Variants in TSHZ2 observed in about 807,000 individuals in gnomAD.
TSHZ2 encodes teashirt zinc finger homeobox 2, also known as teashirt homolog 2.
TSHZ2 carries 21 observed loss-of-function variants against 74.4 expected under a neutral mutation model. That is an observed-to-expected ratio of 0.28 (90% CI 0.20 to 0.41). The LOEUF (loss-of-function observed/expected upper bound fraction) is 0.41. TSHZ2 is among the 10% of genes least tolerant of loss of function. TSHZ2 has a pLI of 1.00. For synonymous variants in TSHZ2, 540 were observed against 515.3 expected (o/e 1.05, Z -0.65); for missense variants, 1,244 against 1,293.5 (o/e 0.96, Z 0.59).
chr20:53,030,345 C>T (rs1450756980), intron 1 of TSHZ2, among the ~76,000 whole-genome samples: 1 of 97,450 alleles, frequency 1.0e-5, no homozygotes, highest in Non-Finnish European at 1.9e-5. Flanking sequence ...AAATAGAGCA[C>T]TGACTTAAAA....
At chr20:53,001,230 G>GTGTATGTGTGTGTGTGTGTGTGTGTA (rs1555813622) in intron 1 of TSHZ2, among the ~76,000 whole-genome samples, 8 of 126,114 alleles carry the variant, frequency 6.3e-5, no homozygotes, top group Non-Finnish European at 1.2e-4. Flanking sequence ...GTGTGTGTGT[G>GTGTATGTGTGTGTGTGTGTGTGTGTA]TGTGTGTGTG....
intron 1 of TSHZ2, among the ~76,000 whole-genome samples, chr20:52,990,769 G>A (rs1981953517): frequency 6.6e-6 from 1 of 152,156 alleles, no homozygotes; most frequent in South Asian, 2.1e-4. Context: ...GGTCCAGGGG[G>A]TAGAAATAAA....
intron 2 of TSHZ2, among the ~76,000 whole-genome samples, chr20:53,460,925 G>A (rs559899138): frequency 1.3e-5 from 2 of 152,374 alleles, no homozygotes; most frequent in Non-Finnish European, 1.5e-5. Flanking sequence ...CGTACTGGGA[G>A]AACCACTGCT....
chr20:53,249,471 G>A (rs781696533), intron 1 of TSHZ2, among the ~76,000 whole-genome samples: 7 of 152,174 alleles, frequency 4.6e-5, no homozygotes, highest in Non-Finnish European at 1.0e-4. Context: ...TTCAGAGTCT[G>A]GTAAGTGCTC....
rs1907348440 is a variant in TSHZ2 at position 53,130,264 on chromosome 20, G to GAAAA, written c.41-123232_41-123231insAAAA. 2.6e-5 allele frequency among the ~76,000 whole-genome samples: 4 copies of GAAAA among 151,824 alleles called. No homozygotes were observed. In the South Asian group the frequency reaches 8.3e-4, roughly 32 times the overall value. ...AAAATAGAAAGAAAAGAAAAGAAAAGAAACAGTCATGGGAGCAAGGGAGAG... is the reference window on the plus strand; with the variant it reads ...AAAATAGAAAGAAAAGAAAAGAAAAGAAAAAAACAGTCATGGGAGCAAGGGAGAG... On this transcript the variant is annotated intron_variant, in intron 1 of 2. Coordinates refer to ENST00000371497, the MANE Select transcript of TSHZ2 (RefSeq NM_173485.6).
chr20:53,036,423 TATATGCACGTATACATAC>T (rs769624472), intron 1 of TSHZ2, among the ~76,000 whole-genome samples: 4 of 151,884 alleles, frequency 2.6e-5, no homozygotes, highest in Non-Finnish European at 5.9e-5. Flanking sequence ...AACGTGTATG[TATATGCACGTATACATAC>T]ACACATATAT....
At chr20:53,134,316 G>A (rs1987186079) in intron 1 of TSHZ2, among the ~76,000 whole-genome samples, 1 of 152,220 alleles carries the variant, frequency 6.6e-6, no homozygotes. Flanking sequence ...AGAAGTGTTT[G>A]GCTGGATTAG....
At chr20:53,036,468 AAG>A (rs1206020175) in intron 1 of TSHZ2, among the ~76,000 whole-genome samples, 1 of 149,114 alleles carries the variant, frequency 6.7e-6, no homozygotes, top group Non-Finnish European at 1.5e-5. Context: ...ATGTATTAGA[AAG>A]AAATAGAAAC....
At chr20:53,143,619 G>A (rs1293415) in intron 1 of TSHZ2, among the ~76,000 whole-genome samples, 11,005 of 152,160 alleles carry the variant, frequency 0.072, 435 homozygotes, top group Non-Finnish European at 0.089. Flanking sequence ...GTGAACACGG[G>A]AGGAAGAGCT....
In TSHZ2 at chr20:53,254,416, G is replaced by T; in HGVS notation, c.958G>T (p.Ala320Ser). ...CATTTCCTCGAAAATGGTCACCCCG[G>T]CTAAGAAACGCGTTTTTGATGTCAA... ...PTISSKMVTPAKKRVFDVNRP... is the reference protein window; with the variant it reads ...PTISSKMVTPSKKRVFDVNRP... The change falls in exon 2 of 3, where the codon GCT becomes TCT. Residue 320 changes from alanine (A) to serine (S), a missense_variant. Transcript: ENST00000371497. The T allele has an allele frequency of 6.2e-7, 1 of 1,613,440 alleles. No homozygotes were observed. The highest frequency in any genetic ancestry group is 8.5e-7 in the Non-Finnish European group (1 of 1,179,460).
chr20:53,229,431 C>T (rs988819897), intron 1 of TSHZ2, among the ~76,000 whole-genome samples: 8 of 152,182 alleles, frequency 5.3e-5, no homozygotes, highest in Admixed American at 1.3e-4. Flanking sequence ...TCTGTCATAA[C>T]TGTTTCAAAG....
chr20:53,444,011 T>C (rs916538446), intron 2 of TSHZ2, among the ~76,000 whole-genome samples: 1 of 152,038 alleles, frequency 6.6e-6, no homozygotes, highest in Non-Finnish European at 1.5e-5. Flanking sequence ...GGGAATCGTC[T>C]CTCTAGAGTT....
rs1439538137 is a variant in TSHZ2 at position 53,484,380 on chromosome 20, CTCTTT to C, written c.*9-2762_*9-2758del. Among the ~76,000 whole-genome samples the C allele has an allele frequency of 4.7e-4, 66 of 139,936 alleles. 1 individual carries two copies. The highest frequency in any genetic ancestry group is 1.6e-3 in the African/African-American group (58 of 36,886). 91.8% of individuals were successfully genotyped at this position (139,936 alleles called of 152,430 possible). On this transcript the variant is annotated intron_variant, in intron 2 of 2. Transcript: ENST00000371497. Reference sequence around the variant, plus strand: ...GGACAAGTCACTTACTTTTATCTCTCTCTTTTTTTTTTTTTTTTTTTTTAAGACAG... The same window carrying C: ...GGACAAGTCACTTACTTTTATCTCTCTTTTTTTTTTTTTTTTTTAAGACAG...
chr20:53,118,865 G>A (rs1986737165), intron 1 of TSHZ2, among the ~76,000 whole-genome samples: 1 of 152,204 alleles, frequency 6.6e-6, no homozygotes, highest in Admixed American at 6.5e-5. Context: ...AGGCTGTACA[G>A]GAAGCATGAT....
intron 1 of TSHZ2, among the ~76,000 whole-genome samples, chr20:53,227,315 T>C (rs1003991626): frequency 6.6e-6 from 1 of 152,086 alleles, no homozygotes; most frequent in African/African-American, 2.4e-5. Flanking sequence ...TGTATAAACA[T>C]ATTTGGTGAC....
intron 1 of TSHZ2, among the ~76,000 whole-genome samples, chr20:53,069,407 G>T (rs1039241076): frequency 2.6e-5 from 4 of 152,022 alleles, no homozygotes; most frequent in Non-Finnish European, 4.4e-5. Flanking sequence ...TGTCCCGTAT[G>T]CAGCCCCTTT....
intron 2 of TSHZ2, among the ~76,000 whole-genome samples, chr20:53,449,818 A>G (rs1020360001): frequency 1.1e-4 from 16 of 152,208 alleles, no homozygotes; most frequent in African/African-American, 3.9e-4. Flanking sequence ...CAATGCTATT[A>G]TTTATGTACA....
At chr20:53,420,984 C>T (rs183955529) in intron 2 of TSHZ2, among the ~76,000 whole-genome samples, 3 of 152,342 alleles carry the variant, frequency 2.0e-5, no homozygotes, top group Admixed American at 6.5e-5. Context: ...CACAGAGCTA[C>T]GTTTCAATGG....
intron 2 of TSHZ2, among the ~76,000 whole-genome samples, chr20:53,369,773 C>G (rs1247964747): frequency 6.6e-6 from 1 of 152,070 alleles, no homozygotes; most frequent in Non-Finnish European, 1.5e-5. Flanking sequence ...GACAAGGAGG[C>G]CAGTGTGCAG....
Sources: allele counts gnomAD v4.1 joint callset (sites outside exome capture counted in the v4.1 genomes callset), GRCh38; gene constraint gnomAD v4.1.1; transcripts MANE v1.5; gene names NCBI Gene and HGNC (gene_info 2026-07-23, HGNC 2026-07-21).